Variants in SEMA3A observed in about 807,000 individuals in gnomAD.
SEMA3A encodes semaphorin 3A, also known as semaphorin-3A.
A neutral mutation model predicts 97.9 loss-of-function variants in SEMA3A; 29 were observed. The observed-to-expected ratio is 0.30, with a 90% CI of 0.22 to 0.40. The LOEUF is 0.40. Among genes scored for constraint, SEMA3A ranks in the 10% least tolerant of loss-of-function variants. The pLI, the probability that SEMA3A is intolerant of heterozygous loss-of-function variation, is 1.00. For missense variants in SEMA3A, 763 were observed against 951.3 expected (o/e 0.80, Z 2.60); for synonymous variants, 321 against 323.7 (o/e 0.99, Z 0.09).
intron 1 of SEMA3A, among the ~76,000 whole-genome samples, chr7:84,391,458 A>G (rs1249710221): frequency 6.6e-6 from 1 of 152,126 alleles, no homozygotes; most frequent in Admixed American, 6.6e-5. Context: ...TAACCAGTTT[A>G]GATGTGGATG....
At chr7:84,379,684 G>C (rs1180302238) in intron 1 of SEMA3A, among the ~76,000 whole-genome samples, 1 of 151,438 alleles carries the variant, frequency 6.6e-6, no homozygotes, top group Non-Finnish European at 1.5e-5. Flanking sequence ...GACTGAAGCT[G>C]GGGAAAAAAA....
chr7:84,202,971 C>A (rs1798392449), intron 3 of SEMA3A, among the ~76,000 whole-genome samples: 2 of 152,032 alleles, frequency 1.3e-5, no homozygotes, highest in South Asian at 4.1e-4. Context: ...TGTTTTTCAT[C>A]CCTTCTAGTA....
rs1015561573 is a variant in SEMA3A, at chr7:83,957,848, T to C, written c.*3523A>G. 2 of 152,068 alleles carry C rather than the reference T, an allele frequency of 1.3e-5. No homozygotes were observed. Among genetic ancestry groups the C allele is most frequent in the African/African-American group, 2.4e-5 (1 of 41,420 alleles). 9.4% of individuals were successfully genotyped at this position (152,068 alleles called of 1,614,324 possible). Reference sequence around the variant, plus strand: ...GTGTTAGACCAGTTTAACATGTTATTACACGATACGGGGGTGTTGAATCCT... The same window carrying C: ...GTGTTAGACCAGTTTAACATGTTATCACACGATACGGGGGTGTTGAATCCT... On this transcript the variant is annotated 3_prime_UTR_variant, in exon 17 of 17. Transcript: ENST00000265362.
chr7:83,991,231 G>A (rs903165746), intron 12 of SEMA3A, among the ~76,000 whole-genome samples: 1 of 151,868 alleles, frequency 6.6e-6, no homozygotes, highest in Non-Finnish European at 1.5e-5. Context: ...TGAGACAATG[G>A]GGTTTTCTAG....
chr7:84,165,842 C>T (rs1401386048), intron 1 of SEMA3A, among the ~76,000 whole-genome samples: 2 of 152,076 alleles, frequency 1.3e-5, no homozygotes, highest in African/African-American at 2.4e-5. Flanking sequence ...AGTGAGCCAC[C>T]CCTCCCGGCC....
chr7:84,319,330 C>T (rs1276670095), intron 2 of SEMA3A, among the ~76,000 whole-genome samples: 5 of 151,744 alleles, frequency 3.3e-5, no homozygotes, highest in African/African-American at 1.2e-4. Flanking sequence ...GTGCTAGGCT[C>T]TAAGAAAGGG....
intron 1 of SEMA3A, among the ~76,000 whole-genome samples, chr7:84,435,254 T>TACACACACACAC (rs34631045): frequency 1.4e-5 from 2 of 148,052 alleles, no homozygotes; most frequent in African/African-American, 4.9e-5. Context: ...GTACAACAGC[T>TACACACACACAC]ACACACACAC....
intron 15 of SEMA3A, among the ~76,000 whole-genome samples, chr7:83,967,813 C>T (rs893464550): frequency 1.3e-4 from 20 of 152,106 alleles, no homozygotes; most frequent in Middle Eastern, 3.4e-3. Context: ...ATAATTGGCA[C>T]ATAATATATG....
At chr7:84,015,913 T>C (rs897741962) in intron 6 of SEMA3A, among the ~76,000 whole-genome samples, 4 of 152,176 alleles carry the variant, frequency 2.6e-5, no homozygotes, top group Non-Finnish European at 4.4e-5. Flanking sequence ...AGTGTGCCAG[T>C]GAACAAGAGT....
At chr7:84,163,413 T>C (rs915952844) in intron 1 of SEMA3A, among the ~76,000 whole-genome samples, 1 of 152,084 alleles carries the variant, frequency 6.6e-6, no homozygotes, top group African/African-American at 2.4e-5. Context: ...AGAAACCAAC[T>C]GTCCTTATGT....
At chr7:84,274,328 G>A (rs559090870) in intron 3 of SEMA3A, among the ~76,000 whole-genome samples, 9 of 152,036 alleles carry the variant, frequency 5.9e-5, no homozygotes, top group South Asian at 2.1e-4. Flanking sequence ...ACAATCCACC[G>A]TGCAGGAAAG....
At chr7:84,435,007 G>C (rs912004947) in intron 1 of SEMA3A, among the ~76,000 whole-genome samples, 2 of 152,100 alleles carry the variant, frequency 1.3e-5, no homozygotes, top group Admixed American at 6.5e-5. Context: ...GTTCTAGCTA[G>C]AGCAATCAGG....
chr7:84,432,209 A>C (rs1366238294), intron 1 of SEMA3A, among the ~76,000 whole-genome samples: 1 of 152,162 alleles, frequency 6.6e-6, no homozygotes, highest in Non-Finnish European at 1.5e-5. Flanking sequence ...GTTTTAATGT[A>C]GAAGTGACAG....
chr7:84,425,328 AAATAT>A (rs201480738), intron 1 of SEMA3A, among the ~76,000 whole-genome samples: 38,921 of 125,782 alleles, frequency 0.31, 7,290 homozygotes, highest in African/African-American at 0.53. Context: ...ATATAAATAT[AAATAT>A]AATATATTGA....
At chr7:84,159,665 G>A (rs1208723382) in intron 1 of SEMA3A, among the ~76,000 whole-genome samples, 1 of 152,064 alleles carries the variant, frequency 6.6e-6, no homozygotes, top group Non-Finnish European at 1.5e-5. Context: ...TTTGCAGTTG[G>A]TGAAGCATGC....
chr7:84,476,929 C>T (rs1307349555), intron 1 of SEMA3A, among the ~76,000 whole-genome samples: 3 of 151,582 alleles, frequency 2.0e-5, no homozygotes, highest in Admixed American at 6.6e-5. Flanking sequence ...ACATTTTGAT[C>T]AGTTTTCCAG....
chr7:84,038,926 AACT>A (rs1401945763), intron 6 of SEMA3A, among the ~76,000 whole-genome samples: 1 of 152,126 alleles, frequency 6.6e-6, no homozygotes, highest in African/African-American at 2.4e-5. Flanking sequence ...CTGAAGCTAA[AACT>A]ACTACTAGAA....
intron 2 of SEMA3A, among the ~76,000 whole-genome samples, chr7:84,345,873 T>C (rs1802287301): frequency 6.6e-6 from 1 of 152,218 alleles, no homozygotes; most frequent in Non-Finnish European, 1.5e-5. Context: ...CTACAAATGT[T>C]CTTAATGACA....
rs536449750 is a variant in SEMA3A, at chr7:84,283,685, G to A, written c.-83+23522C>T. On this transcript the variant is annotated intron_variant, in intron 3 of 3. Coordinates refer to the SEMA3A transcript ENST00000424555. Reference sequence around the variant, plus strand: ...ACATAATTCACATAGTAAAAGTGTTGTTAAACATAATAATAAATAAAATAA... The same window carrying A: ...ACATAATTCACATAGTAAAAGTGTTATTAAACATAATAATAAATAAAATAA... Among the ~76,000 whole-genome samples the A allele has an allele frequency of 2.6e-5, 4 of 152,052 alleles. No homozygotes were observed. The East Asian group carries it at 7.7e-4, about 29-fold the overall frequency.
Sources: gnomAD v4.1 joint callset for allele counts (sites outside exome capture counted in the v4.1 genomes callset) on GRCh38, gnomAD v4.1.1 for gene constraint, MANE v1.5 for transcripts, NCBI Gene and HGNC (gene_info 2026-07-23, HGNC 2026-07-21) for gene names.